The following CAMK2G variants were observed in gnomAD, a reference collection of about 807,000 sequenced individuals.
CAMK2G encodes the protein calcium/calmodulin-dependent protein kinase type II subunit gamma.
CAMK2G carries 23 observed loss-of-function variants against 88.7 expected under a neutral mutation model. That is an observed-to-expected ratio of 0.26 (90% CI 0.19 to 0.37). The LOEUF (loss-of-function observed/expected upper bound fraction) is 0.37, where lower values mean the gene tolerates loss of function less well. CAMK2G is among the 10% of genes least tolerant of loss of function. The pLI, the probability that CAMK2G is intolerant of heterozygous loss-of-function variation, is 1.00. For missense variants in CAMK2G, 476 were observed against 780.8 expected (o/e 0.61, Z 4.65); for synonymous variants, 263 against 294.8 (o/e 0.89, Z 1.11).
At chr10:73,869,995 G>C (rs2095759545) in intron 2 of CAMK2G, among the ~76,000 whole-genome samples, 1 of 152,142 alleles carries the variant, frequency 6.6e-6, no homozygotes, top group South Asian at 2.1e-4. Flanking sequence ...AGTAATATGG[G>C]GGAAATGCTT....
At chr10:73,864,229 G>A (rs1347524282) in intron 2 of CAMK2G, among the ~76,000 whole-genome samples, 3 of 152,056 alleles carry the variant, frequency 2.0e-5, no homozygotes, top group Non-Finnish European at 4.4e-5. Context: ...TAGAACCCAG[G>A]AGGTGGAGGC....
At chr10:73,866,757 C>T (rs1279480928) in intron 2 of CAMK2G, among the ~76,000 whole-genome samples, 1 of 152,160 alleles carries the variant, frequency 6.6e-6, no homozygotes, top group Non-Finnish European at 1.5e-5. Context: ...TCCCAAGCAG[C>T]AGAGGCCGCC....
chr10:73,874,404 G>A lies in CAMK2G; in HGVS notation c.58C>T (p.Leu20Phe). Reference protein sequence around the residue: ...FTDDYQLFEELGKGAFSVVRR... With the variant: ...FTDDYQLFEEFGKGAFSVVRR... The stretch of plus-strand genomic sequence containing the variant: ...GCGGCGGGCGGGCCGTACTTGCCAA[G>A]CTCCTCGAAGAGCTGGTAGTCGTCG... Residue 20 changes from leucine to phenylalanine, a missense_variant, in exon 1 of 23, where the codon CTT (leucine) becomes TTT (phenylalanine). Leu to Phe is a conservative substitution (Grantham distance 22). Transcript: ENST00000423381. 6.7e-7 allele frequency: 1 copy of A among 1,501,960 alleles called. No homozygotes were observed. The highest frequency in any genetic ancestry group is 9.0e-7 in the Non-Finnish European group (1 of 1,115,070). The allele number at this position is 1,501,960 out of a possible 1,614,324, so 93.0% of individuals were successfully genotyped here.
intron 14 of CAMK2G, among the ~76,000 whole-genome samples, chr10:73,831,111 T>A (rs529685217): frequency 6.6e-6 from 1 of 152,210 alleles, no homozygotes; most frequent in African/African-American, 2.4e-5. Context: ...ACCCCTTTGA[T>A]GCAGCCACAA....
chr10:73,837,376 T>C (rs943853287), intron 14 of CAMK2G, 92 bp downstream of exon 14: 16 of 981,226 alleles, frequency 1.6e-5, no homozygotes, highest in Non-Finnish European at 2.7e-5. Context: ...GATAGGAAGA[T>C]TCCCTGGGAA....
intron 21 of CAMK2G, chr10:73,816,060 T>G: frequency 1.0e-6 from 1 of 985,480 alleles, no homozygotes; most frequent in Non-Finnish European, 1.2e-6. Flanking sequence ...GCGGAGAAGT[T>G]AGTGACTAAC....
intron 5 of CAMK2G, among the ~76,000 whole-genome samples, chr10:73,851,732 T>G (rs2094630766): frequency 1.8e-5 from 2 of 113,528 alleles, no homozygotes; most frequent in Non-Finnish European, 3.4e-5. Context: ...AACATTCATT[T>G]GGAAGTGATT....
At chr10:73,857,219 G>A (rs929862279) in intron 3 of CAMK2G, among the ~76,000 whole-genome samples, 5 of 152,206 alleles carry the variant, frequency 3.3e-5, no homozygotes. Context: ...AATAACTTGT[G>A]AACTGAGTCG....
chr10:73,873,070 C>T lies in CAMK2G; in HGVS notation c.79G>A (p.Val27Met). The change falls in exon 2 of 23, where the codon GTG becomes ATG. Residue 27 changes from valine to methionine, a missense_variant. Physicochemically the swap from Val to Met is conservative, Grantham distance 21. Around this residue, in one of 3 missense-constraint regions of CAMK2G, gnomAD observed 164 missense variants for 385.6 expected, o/e 0.43. Coordinates refer to ENST00000423381, the MANE Select transcript of CAMK2G (RefSeq NM_001367534.1). The part of the protein sequence containing the change: ...FEELGKGAFS[V>M]VRRCVKKTST... ...GTTTTCTTCACACACCTGCGGACCA[C>T]AGAGAAAGCACCCCTGGAGGGAGAA... 6.2e-7 allele frequency: 1 copy of T among 1,611,758 alleles called. No individual in the cohort carries two copies. The highest frequency in any genetic ancestry group is 8.5e-7 in the Non-Finnish European group (1 of 1,177,952).
chr10:73,837,440 A>G (rs775746171), intron 14 of CAMK2G, 28 bp downstream of exon 14: 8 of 1,590,052 alleles, frequency 5.0e-6, no homozygotes, highest in Non-Finnish European at 5.2e-6. Context: ...GAAAGAGGCC[A>G]GTCTGTTCAG....
chr10:73,823,439 CT>C (rs2089805806), intron 17 of CAMK2G, among the ~76,000 whole-genome samples: 1 of 152,170 alleles, frequency 6.6e-6, no homozygotes, highest in Admixed American at 6.5e-5. Context: ...TGGTCTCTAA[CT>C]CCTGAGCTCA....
chr10:73,847,182 G>A (rs2094309464), intron 10 of CAMK2G, 43 bp downstream of exon 10: 1 of 1,605,506 alleles, frequency 6.2e-7, no homozygotes, highest in Non-Finnish European at 8.5e-7. Context: ...CACACAGAAG[G>A]CTGACACCCC....
At chr10:73,820,519 C>CA (rs1326821840) in intron 18 of CAMK2G, among the ~76,000 whole-genome samples, 1 of 100,426 alleles carries the variant, frequency 1.0e-5, no homozygotes, top group Admixed American at 1.3e-4. Context: ...TTTCTTGAGA[C>CA]AGAGTCTCGC....
At chr10:73,870,703 C>T (rs868265418) in intron 2 of CAMK2G, among the ~76,000 whole-genome samples, 1 of 152,226 alleles carries the variant, frequency 6.6e-6, no homozygotes, top group African/African-American at 2.4e-5. Flanking sequence ...CATTCCCAGA[C>T]ACAGAAATCC....
intron 12 of CAMK2G, among the ~76,000 whole-genome samples, chr10:73,841,578 A>G (rs2093788617): frequency 6.6e-6 from 1 of 152,180 alleles, no homozygotes; most frequent in African/African-American, 2.4e-5. Context: ...ACCTCTCCCA[A>G]TTCTTTATGC....
intron 14 of CAMK2G, among the ~76,000 whole-genome samples, chr10:73,829,604 A>G (rs1421846083): frequency 6.6e-6 from 1 of 151,962 alleles, no homozygotes; most frequent in Non-Finnish European, 1.5e-5. Flanking sequence ...ACAGCCTTAC[A>G]GTGGCCTTTT....
intron 18 of CAMK2G, among the ~76,000 whole-genome samples, chr10:73,820,533 G>A (rs1424805123): frequency 1.7e-5 from 2 of 118,884 alleles, no homozygotes; most frequent in Non-Finnish European, 3.3e-5. Context: ...GTCTCGCTCT[G>A]TCACCCAGGC....
At position 73,839,516 on chromosome 10, in the gene CAMK2G, C is replaced by T. The variant is rs980236448; in HGVS notation, c.1009+23G>A. ...GTGGCAGGGGGCCGAGGCAGGCGGTCGGGGAGGACTCATGCCACGTACCTT... is the reference window on the plus strand; with the variant it reads ...GTGGCAGGGGGCCGAGGCAGGCGGTTGGGGAGGACTCATGCCACGTACCTT... On this transcript the variant is annotated intron_variant, in intron 13 of 22. Coordinates refer to ENST00000423381, the MANE Select transcript of CAMK2G (RefSeq NM_001367534.1). This position sits in a 1 kb window ranked among gnomAD's most constrained non-coding sequence, Gnocchi z 4.2. The T allele has an allele frequency of 7.3e-6, 9 of 1,228,014 alleles. No individual in the cohort carries two copies. The South Asian group carries it at 1.2e-4, about 17-fold the overall frequency. The allele number at this position is 1,228,014 out of a possible 1,614,324, so 76.1% of individuals were successfully genotyped here. A position where few individuals can be genotyped will look rare whatever the true frequency, so the allele number is the denominator to read the frequency against.
intron 9 of CAMK2G, among the ~76,000 whole-genome samples, 161 bp from the exon 10 acceptor site, chr10:73,847,508 T>G (rs958598387): frequency 1.3e-5 from 2 of 152,208 alleles, no homozygotes; most frequent in African/African-American, 4.8e-5. Flanking sequence ...CCAGAACCTG[T>G]GTCAACTTAA....
Sources: gnomAD v4.1 joint callset for allele counts (sites outside exome capture counted in the v4.1 genomes callset) on GRCh38, gnomAD v4.1.1 for gene constraint, gnomAD v4.1.1 regional missense constraint, Gnocchi (gnomAD v3.1) non-coding constraint, MANE v1.5 for transcripts, NCBI Gene and HGNC (gene_info 2026-07-23, HGNC 2026-07-21) for gene names.